MAST2: variants seen among roughly 807,000 people sequenced by gnomAD.
The protein encoded by MAST2 is microtubule-associated serine/threonine-protein kinase 2.
MAST2 carries 70 observed loss-of-function variants against 147.4 expected under a neutral mutation model. The observed-to-expected ratio is 0.47, with a 90% confidence interval of 0.39 to 0.58. The LOEUF (loss-of-function observed/expected upper bound fraction) is 0.58, where lower values mean the gene tolerates loss of function less well. Among genes scored for constraint, MAST2 ranks in the 20% least tolerant of loss-of-function variants. The pLI, the probability that MAST2 is intolerant of heterozygous loss-of-function variation, is 0.00. For synonymous variants in MAST2, 869 were observed against 896.8 expected, an observed-to-expected ratio of 0.97 and a Z score of 0.55; for missense variants, 2,080 against 2,302.3, an observed-to-expected ratio of 0.90 and a Z score of 1.98.
chr1:46,005,745 C>A lies in MAST2; in HGVS notation c.748-496C>A, dbSNP rs573940382. The stretch of plus-strand genomic sequence containing the variant: ...TGGTCTGCAGGCTGTAGTTTGCTAA[C>A]CCCTGGCACAATACATTGGCCAGCT... On this transcript the variant is annotated intron_variant, in intron 7 of 28. Coordinates refer to ENST00000361297, the MANE Select transcript of MAST2 (RefSeq NM_015112.3). Among the ~76,000 whole-genome samples, 4 of 152,304 alleles carry A rather than the reference C, an allele frequency of 2.6e-5. No homozygotes were observed. The South Asian group carries it at 6.2e-4, about 24-fold the overall frequency.
intron 3 of MAST2, among the ~76,000 whole-genome samples, chr1:45,871,310 T>A (rs1185708896): frequency 6.6e-6 from 1 of 152,018 alleles, no homozygotes; most frequent in Non-Finnish European, 1.5e-5. Flanking sequence ...AAATTCAAAC[T>A]TTAACCCCCT....
intron 4 of MAST2, among the ~76,000 whole-genome samples, chr1:45,929,918 A>G (rs1404694919): frequency 1.3e-5 from 2 of 152,090 alleles, no homozygotes; most frequent in Non-Finnish European, 2.9e-5. Flanking sequence ...TTCACAGTCT[A>G]TGGTTATACT....
chr1:45,965,914 A>T (rs1449267934), intron 5 of MAST2, among the ~76,000 whole-genome samples: 1 of 152,124 alleles, frequency 6.6e-6, no homozygotes, highest in Non-Finnish European at 1.5e-5. Context: ...TTACATTAAG[A>T]TTCACTGTTA....
At chr1:45,981,931 C>T (rs1254149820) in intron 5 of MAST2, among the ~76,000 whole-genome samples, 2 of 151,604 alleles carry the variant, frequency 1.3e-5, no homozygotes, top group Non-Finnish European at 2.9e-5. Context: ...ACCTCTACCT[C>T]CCTGGTTCAA....
At chr1:45,842,430 G>A (rs770700656) in intron 3 of MAST2, among the ~76,000 whole-genome samples, 8 of 152,116 alleles carry the variant, frequency 5.3e-5, no homozygotes, top group Non-Finnish European at 1.0e-4. Context: ...AAACCTGCCT[G>A]TTACTTTAGA....
In MAST2 at chr1:45,804,028, C is replaced by G. The variant is rs1644064318; in HGVS notation, c.133C>G (p.Leu45Val). Residue 45 changes from leucine (L) to valine (V), a missense_variant, in exon 1 of 29, where the codon CTG becomes GTG. Physicochemically the swap from Leu to Val is conservative, Grantham distance 32. Transcript: ENST00000361297. The part of the protein sequence containing the change: ...RRRAPPGRQR[L>V]EERTGPAGPE... ...GCGAGCGCCGCCCGGGAGGCAGCGGCTGGAGGAGCGGACGGGCCCCGCGGG... is the reference window on the plus strand; with the variant it reads ...GCGAGCGCCGCCCGGGAGGCAGCGGGTGGAGGAGCGGACGGGCCCCGCGGG... 3.2e-6 allele frequency: 4 copies of G among 1,247,270 alleles called. No individual in the cohort carries two copies. The highest frequency in any genetic ancestry group is 4.1e-6 in the Non-Finnish European group (4 of 974,164). The allele number at this position is 1,247,270 out of a possible 1,614,324, so 77.3% of individuals were successfully genotyped here.
intron 8 of MAST2, 138 bp from the exon 9 acceptor site, chr1:46,008,158 C>T: frequency 7.8e-6 from 5 of 640,634 alleles, no homozygotes; most frequent in Non-Finnish European, 1.4e-5. Flanking sequence ...AAGAAAGGCT[C>T]TAGAACTCAG....
intron 3 of MAST2, among the ~76,000 whole-genome samples, chr1:45,849,805 C>T (rs558443611): frequency 2.1e-4 from 32 of 152,286 alleles, no homozygotes; most frequent in African/African-American, 5.8e-4. Flanking sequence ...GGATTACAGG[C>T]GTGAGCCACT....
At chr1:45,910,709 A>G (rs1053592018) in intron 4 of MAST2, among the ~76,000 whole-genome samples, 2 of 152,218 alleles carry the variant, frequency 1.3e-5, no homozygotes, top group African/African-American at 4.8e-5. Flanking sequence ...AAAGGTATCT[A>G]TGATATTGAT....
chr1:46,008,746 A>T (rs867947099), intron 9 of MAST2, among the ~76,000 whole-genome samples: 10 of 152,204 alleles, frequency 6.6e-5, no homozygotes, highest in Admixed American at 3.3e-4. Context: ...TTCACTCATT[A>T]CAGGATTTGC....
At chr1:45,920,959 A>G (rs191821689) in intron 4 of MAST2, among the ~76,000 whole-genome samples, 3 of 152,186 alleles carry the variant, frequency 2.0e-5, no homozygotes, top group East Asian at 1.9e-4. Flanking sequence ...CTACCATTCA[A>G]CCCCACAGTA....
At chr1:45,911,196 T>C (rs1361888189) in intron 4 of MAST2, among the ~76,000 whole-genome samples, 1 of 152,204 alleles carries the variant, frequency 6.6e-6, no homozygotes, top group African/African-American at 2.4e-5. Flanking sequence ...TAGGCCTTCC[T>C]AGTCCTGGCA....
intron 4 of MAST2, among the ~76,000 whole-genome samples, chr1:45,929,154 G>A (rs943037503): frequency 4.6e-5 from 7 of 152,136 alleles, no homozygotes; most frequent in Non-Finnish European, 1.0e-4. Context: ...GTTTGCAAAA[G>A]ATGATTCTCC....
At chr1:45,980,581 CTGTAG>C (rs1425250861) in intron 5 of MAST2, among the ~76,000 whole-genome samples, 1 of 152,140 alleles carries the variant, frequency 6.6e-6, no homozygotes, top group African/African-American at 2.4e-5. Context: ...GTCACATAGG[CTGTAG>C]TGTAGTGGCA....
chr1:45,812,686 A>G (rs944124277), intron 1 of MAST2, among the ~76,000 whole-genome samples: 1 of 152,092 alleles, frequency 6.6e-6, no homozygotes, highest in Non-Finnish European at 1.5e-5. Context: ...CGGCCTCCCA[A>G]AGTGCTGGGA....
At chr1:45,986,696 G>T (rs1389835017) in intron 5 of MAST2, among the ~76,000 whole-genome samples, 1 of 129,602 alleles carries the variant, frequency 7.7e-6, no homozygotes, top group South Asian at 2.6e-4. Flanking sequence ...CAGCCTGGGC[G>T]ACACAGAGAG....
At chr1:45,820,301 T>A (rs1644582231) in intron 1 of MAST2, among the ~76,000 whole-genome samples, 1 of 152,206 alleles carries the variant, frequency 6.6e-6, no homozygotes. Flanking sequence ...GGCAAAAATT[T>A]CTTGAGCAAT....
At chr1:45,822,038 G>A (rs1644651430) in intron 1 of MAST2, among the ~76,000 whole-genome samples, 3 of 151,488 alleles carry the variant, frequency 2.0e-5, no homozygotes, top group Non-Finnish European at 2.9e-5. Context: ...ACAGGCACGT[G>A]CCATCACGCC....
chr1:45,971,254 T>TA (rs896653440), intron 5 of MAST2, among the ~76,000 whole-genome samples: 1 of 152,278 alleles, frequency 6.6e-6, no homozygotes, highest in Non-Finnish European at 1.5e-5. Context: ...GGTCCACAGT[T>TA]ACTCAGCAAT....
Sources: gnomAD v4.1 joint callset for allele counts (sites outside exome capture counted in the v4.1 genomes callset) on GRCh38, gnomAD v4.1.1 for gene constraint, MANE v1.5 for transcripts, NCBI Gene and HGNC (gene_info 2026-07-23, HGNC 2026-07-21) for gene names.